Variants in C10orf105 observed in about 807,000 individuals in gnomAD.
C10orf105 encodes the protein chromosome 10 open reading frame 105.
C10orf105 carries 2 observed loss-of-function variants against 0.6 expected under a neutral mutation model. That is an observed-to-expected ratio of 3.18 (90% CI 1.30 to 10.01). The LOEUF is 10.01. C10orf105 is among the 30% of genes most tolerant of loss of function. C10orf105 has a pLI of 0.04. For missense variants in C10orf105, 209 were observed against 191.4 expected (o/e 1.09, Z -0.54); for synonymous variants, 95 against 82.4 (o/e 1.15, Z -0.83).
At chr10:71,719,998 G>A (rs1029294537), upstream of C10orf105, among the ~76,000 whole-genome samples, 4 of 152,214 alleles carry the variant, frequency 2.6e-5, no homozygotes, top group African/African-American at 9.6e-5. Flanking sequence ...CTGGGGAGAC[G>A]CAGGGGGAGG....
At chr10:71,731,497 G>A (rs942897292) in intron 1 of C10orf105, among the ~76,000 whole-genome samples, 18 of 152,316 alleles carry the variant, frequency 1.2e-4, no homozygotes, top group South Asian at 4.1e-4. Flanking sequence ...TGATTGAATG[G>A]TTTGTTTCAA....
intron 1 of C10orf105, chr10:71,734,388 G>A (rs1343082087): frequency 6.4e-7 from 1 of 1,556,964 alleles, no homozygotes; most frequent in African/African-American, 1.4e-5. Context: ...CCCATCGCTG[G>A]CCATGACACT....
chr10:71,737,397 G>A (rs1839596079), intron 1 of C10orf105, among the ~76,000 whole-genome samples: 1 of 152,238 alleles, frequency 6.6e-6, no homozygotes, highest in Non-Finnish European at 1.5e-5. Context: ...ATAAGTGGTT[G>A]GGTTGGCCTA....
At chr10:71,726,329 G>T (rs1164306807) in intron 1 of C10orf105, among the ~76,000 whole-genome samples, 5 of 152,114 alleles carry the variant, frequency 3.3e-5, no homozygotes, top group African/African-American at 1.2e-4. Context: ...TGAGTGCCCG[G>T]CTCCTCTTAT....
intron 1 of C10orf105, among the ~76,000 whole-genome samples, chr10:71,731,368 G>C (rs1444669688): frequency 6.6e-6 from 1 of 152,224 alleles, no homozygotes; most frequent in African/African-American, 2.4e-5. Context: ...GGTGGAGGGA[G>C]GAATGGCTGC....
At position 71,727,577 on chromosome 10, in the gene C10orf105, C is replaced by T. The variant is rs116297127; in HGVS notation, c.-6+10151G>A. ...ATCCTCCAGTTCCTGCCTCAGAGAC[C>T]GGGGACAGCCCCAGTGAGGGGCCGG... On this transcript the variant is annotated intron_variant, in intron 1 of 1. Coordinates refer to the C10orf105 transcript ENST00000398786. 3.2e-3 allele frequency among the ~76,000 whole-genome samples: 492 copies of T among 152,258 alleles called. 1 individual carries two copies. Among genetic ancestry groups the T allele is most frequent in the African/African-American group, 9.3e-3 (388 of 41,540 alleles).
chr10:71,727,133 C>T (rs1425847183), intron 1 of C10orf105, among the ~76,000 whole-genome samples: 1 of 152,228 alleles, frequency 6.6e-6, no homozygotes, highest in Non-Finnish European at 1.5e-5. Context: ...CCGTAACCCT[C>T]ATAATAGCCT....
chr10:71,722,593 T>C (rs1866609206), upstream of C10orf105, among the ~76,000 whole-genome samples: 1 of 152,160 alleles, frequency 6.6e-6, no homozygotes, highest in African/African-American at 2.4e-5. Context: ...TGTGGGGATA[T>C]GGGCAATAAG....
intron 1 of C10orf105, among the ~76,000 whole-genome samples, chr10:71,735,464 C>G (rs1283257435): frequency 6.6e-6 from 1 of 152,126 alleles, no homozygotes; most frequent in African/African-American, 2.4e-5. Context: ...GGCCAGCTAC[C>G]TGAGAGAGGT....
intron 1 of C10orf105, among the ~76,000 whole-genome samples, chr10:71,735,460 C>G (rs1212197858): frequency 1.3e-5 from 2 of 152,086 alleles, no homozygotes; most frequent in Non-Finnish European, 2.9e-5. Context: ...CCAGGGCCAG[C>G]TACCTGAGAG....
At chr10:71,730,451 CT>C (rs1261515051) in intron 1 of C10orf105, 2 of 1,612,592 alleles carry the variant, frequency 1.2e-6, no homozygotes, top group Non-Finnish European at 1.7e-6. Context: ...CCTTGCACCC[CT>C]GGCCCGGCTC....
intron 1 of C10orf105, among the ~76,000 whole-genome samples, chr10:71,736,291 A>T (rs1021482655): frequency 6.6e-6 from 1 of 152,202 alleles, no homozygotes; most frequent in Admixed American, 6.5e-5. Flanking sequence ...GGTAGCCCCA[A>T]ACACTGTTTG....
chr10:71,733,132 C>T (rs1343762525), intron 1 of C10orf105, among the ~76,000 whole-genome samples: 8 of 152,224 alleles, frequency 5.3e-5, no homozygotes, highest in Non-Finnish European at 7.3e-5. Context: ...GCTAGAGCAG[C>T]TTGCAGAACT....
At position 71,715,862 on chromosome 10, in the gene C10orf105, A is replaced by G; in HGVS notation, c.*74T>C. On this transcript the variant is annotated 3_prime_UTR_variant, in exon 2 of 2. Transcript: ENST00000441508. The stretch of plus-strand genomic sequence containing the variant: ...GGGCCACTGTCTTCCTGCAGCCTGC[A>G]GCACCGGTCTCTGAAGCAGGAGGAT... The G allele has an allele frequency of 7.3e-7, 1 of 1,375,000 alleles. No individual in the cohort carries two copies. Among genetic ancestry groups the G allele is most frequent in the East Asian group, 2.7e-5 (1 of 36,658 alleles). The allele number at this position is 1,375,000 out of a possible 1,614,324, so 85.2% of individuals were successfully genotyped here.
intron 1 of C10orf105, among the ~76,000 whole-genome samples, chr10:71,736,098 G>A (rs995677115): frequency 3.3e-5 from 5 of 152,250 alleles, no homozygotes; most frequent in African/African-American, 9.6e-5. Context: ...GTCCCCCTGC[G>A]TGGACTGCCA....
intron 1 of C10orf105, chr10:71,717,543 C>T (rs990051456): frequency 1.3e-5 from 2 of 152,286 alleles, no homozygotes; most frequent in African/African-American, 4.8e-5. Flanking sequence ...GATGGAAAAC[C>T]AGGCTGAGCT....
chr10:71,726,440 G>T lies in C10orf105; in HGVS notation c.-5-10098C>A, dbSNP rs557199681. ...ACACGATGGGTCTGATTGCTCAGGG[G>T]CTGTGCTGGGGTGGGTGACTCAGCC... On this transcript the variant is annotated intron_variant, in intron 1 of 1. Coordinates refer to the C10orf105 transcript ENST00000398786. Among the ~76,000 whole-genome samples, 14 of 152,340 alleles carry T rather than the reference G, an allele frequency of 9.2e-5. No homozygotes were observed. The South Asian group carries it at 1.9e-3, about 20-fold the overall frequency.
At chr10:71,717,777 A>G (rs561936587) in intron 1 of C10orf105, 41 of 152,304 alleles carry the variant, frequency 2.7e-4, no homozygotes, top group African/African-American at 9.4e-4. Flanking sequence ...AGAAATCTGG[A>G]TTTTTTTAAA....
upstream of C10orf105, chr10:71,724,240 G>A (rs1230889309): frequency 3.5e-6 from 3 of 848,264 alleles, no homozygotes; most frequent in Non-Finnish European, 5.7e-6. Context: ...AGGCCAGAGG[G>A]AGGAAACAGG....
Sources: allele counts gnomAD v4.1 joint callset (sites outside exome capture counted in the v4.1 genomes callset), GRCh38; gene constraint gnomAD v4.1.1; transcripts MANE v1.5; gene names NCBI Gene and HGNC (gene_info 2026-07-23, HGNC 2026-07-21).